ADAMTS19: variants seen among roughly 807,000 people sequenced by gnomAD.
ADAMTS19 encodes A disintegrin and metalloproteinase with thrombospondin motifs 19.
In ADAMTS19, 93 loss-of-function variants were observed where a neutral mutation model predicts 153.3. The observed-to-expected ratio is 0.61, with a 90% CI of 0.51 to 0.72. The LOEUF is 0.72. Among genes scored for constraint, ADAMTS19 ranks in the 30% least tolerant of loss-of-function variants. The pLI, the probability that ADAMTS19 is intolerant of heterozygous loss-of-function variation, is 0.00. For missense variants in ADAMTS19, 1,482 were observed against 1,552.1 expected, an observed-to-expected ratio of 0.95 and a Z score of 0.76; for synonymous variants, 600 against 556.6, an observed-to-expected ratio of 1.08 and a Z score of -1.10.
At position 129,707,796 on chromosome 5, in the gene ADAMTS19, T is replaced by A. The variant is rs568903479; in HGVS notation, c.3312+3405T>A. Among the ~76,000 whole-genome samples the A allele has an allele frequency of 2.0e-5, 3 of 152,306 alleles. No individual in the cohort carries two copies. The South Asian group carries it at 6.2e-4, about 32-fold the overall frequency. Reference sequence around the variant, plus strand: ...TATTTTTAAAGTGTCAATACTAAAGTGGACTTCAGCCTTGGATTTACTTTA... The same window carrying A: ...TATTTTTAAAGTGTCAATACTAAAGAGGACTTCAGCCTTGGATTTACTTTA... On this transcript the variant is annotated intron_variant, in intron 21 of 22. Transcript: ENST00000274487.
chr5:129,530,065 G>A (rs180949385), intron 6 of ADAMTS19, among the ~76,000 whole-genome samples: 2 of 152,198 alleles, frequency 1.3e-5, no homozygotes, highest in Admixed American at 1.3e-4. Flanking sequence ...GCAGGATGAT[G>A]AGCCAGTAAT....
At chr5:129,598,835 A>G (rs1381446269) in intron 8 of ADAMTS19, among the ~76,000 whole-genome samples, 1 of 152,168 alleles carries the variant, frequency 6.6e-6, no homozygotes, top group East Asian at 1.9e-4. Context: ...CCCCAAATCC[A>G]TGCATATCCA....
chr5:129,690,214 A>ACT (rs1755270429), intron 18 of ADAMTS19, among the ~76,000 whole-genome samples: 1 of 152,196 alleles, frequency 6.6e-6, no homozygotes, highest in Admixed American at 6.5e-5. Flanking sequence ...AAATCACCTT[A>ACT]CTCAGTGATA....
chr5:129,589,180 C>A (rs1749971467), intron 7 of ADAMTS19, among the ~76,000 whole-genome samples: 2 of 151,662 alleles, frequency 1.3e-5, no homozygotes, highest in South Asian at 4.1e-4. Context: ...ATCTCACATA[C>A]CTCAAAACTT....
intron 8 of ADAMTS19, among the ~76,000 whole-genome samples, chr5:129,609,625 G>A (rs575135177): frequency 1.6e-4 from 24 of 152,188 alleles, no homozygotes; most frequent in South Asian, 6.2e-4. Context: ...ACGATACCAC[G>A]TAGAATAATA....
rs138491653 is a variant in ADAMTS19 at position 129,658,671 on chromosome 5, G to T, written c.2359G>T (p.Val787Leu). 13 of 1,613,220 alleles carry T rather than the reference G, an allele frequency of 8.1e-6. No homozygotes were observed. In the African/African-American group the frequency reaches 1.6e-4, roughly 20 times the overall value. Reference protein sequence around the residue: ...GSLAREDHCGVCNGNGKSCKI... With the variant: ...GSLAREDHCGLCNGNGKSCKI... ...TCTTGCAAGAGAAGATCATTGTGGTGTATGCAATGGCAATGGAAAATCATG... is the reference window on the plus strand; with the variant it reads ...TCTTGCAAGAGAAGATCATTGTGGTTTATGCAATGGCAATGGAAAATCATG... The change falls in exon 15 of 23, where the codon GTA becomes TTA. Residue 787 changes from valine to leucine, a missense_variant. Val to Leu is a conservative substitution (Grantham distance 32). Transcript: ENST00000274487.
chr5:129,559,997 T>A (rs1753442002), intron 7 of ADAMTS19, among the ~76,000 whole-genome samples: 1 of 152,230 alleles, frequency 6.6e-6, no homozygotes, highest in Non-Finnish European at 1.5e-5. Context: ...AGAATTTCCC[T>A]TAGTAAAAGT....
intron 2 of ADAMTS19, among the ~76,000 whole-genome samples, chr5:129,472,578 G>A (rs536161242): frequency 2.6e-5 from 4 of 152,168 alleles, no homozygotes; most frequent in Admixed American, 6.5e-5. Flanking sequence ...ACAATGGAAC[G>A]TTAATGCCAG....
intron 21 of ADAMTS19, among the ~76,000 whole-genome samples, chr5:129,711,936 A>G (rs936424500): frequency 7.2e-5 from 11 of 151,950 alleles, no homozygotes; most frequent in African/African-American, 2.7e-4. Context: ...CTAATTTGTT[A>G]TTTAACATAA....
Position 129,701,456 on chromosome 5 carries a change from C to G in ADAMTS19, c.3023C>G (p.Ala1008Gly). The change falls in exon 20 of 23, where the codon GCC becomes GGC. Residue 1008 changes from alanine (A) to glycine (G), a missense_variant. Ala to Gly is a moderately conservative substitution (Grantham distance 60, BLOSUM62 0). Coordinates refer to ENST00000274487, the MANE Select transcript of ADAMTS19 (RefSeq NM_133638.6). ...AAAGGAATGCAGAGCAGACAAGTGG[C>G]CTGTACCCAACAACTGAGCAATGGA... ...CGKGMQSRQV[A>G]CTQQLSNGTL... 1 of 1,614,190 alleles carries G rather than the reference C, an allele frequency of 6.2e-7. No homozygotes were observed. Among genetic ancestry groups the G allele is most frequent in the Non-Finnish European group, 8.5e-7 (1 of 1,180,040 alleles).
chr5:129,673,969 G>T (rs1014006146), intron 16 of ADAMTS19, among the ~76,000 whole-genome samples: 4 of 151,996 alleles, frequency 2.6e-5, no homozygotes, highest in Non-Finnish European at 4.4e-5. Context: ...GGTAACTCAC[G>T]CCTGTAATGC....
chr5:129,639,003 T>A (rs761215443), intron 10 of ADAMTS19, among the ~76,000 whole-genome samples: 7 of 152,226 alleles, frequency 4.6e-5, no homozygotes, highest in Non-Finnish European at 1.0e-4. Flanking sequence ...TAATAAACTC[T>A]TTTTACTATA....
intron 11 of ADAMTS19, among the ~76,000 whole-genome samples, chr5:129,644,669 TG>T (rs1752976623): frequency 1.3e-5 from 2 of 152,184 alleles, no homozygotes; most frequent in Non-Finnish European, 2.9e-5. Flanking sequence ...ATCAATGTGT[TG>T]GCATTTACAT....
intron 6 of ADAMTS19, among the ~76,000 whole-genome samples, chr5:129,535,245 T>C (rs1289524711): frequency 6.6e-6 from 1 of 152,086 alleles, no homozygotes; most frequent in African/African-American, 2.4e-5. Flanking sequence ...TGTGCAAAAA[T>C]CACAAGCATT....
At chr5:129,620,966 A>G (rs1751753506) in intron 9 of ADAMTS19, among the ~76,000 whole-genome samples, 1 of 152,124 alleles carries the variant, frequency 6.6e-6, no homozygotes, top group African/African-American at 2.4e-5. Context: ...CATTTTTCAA[A>G]AAGGACAGTT....
chr5:129,722,468 T>A (rs190260216), intron 21 of ADAMTS19, among the ~76,000 whole-genome samples: 7 of 152,162 alleles, frequency 4.6e-5, no homozygotes, highest in Non-Finnish European at 7.3e-5. Flanking sequence ...TAAATTTGTT[T>A]AAATTCCTTG....
intron 3 of ADAMTS19, among the ~76,000 whole-genome samples, chr5:129,515,512 C>A (rs909302283): frequency 5.3e-5 from 8 of 151,880 alleles, no homozygotes; most frequent in Admixed American, 1.3e-4. Flanking sequence ...TCTTTCACTT[C>A]TTTGGTTAAT....
At chr5:129,548,908 C>G (rs948558927) in intron 6 of ADAMTS19, among the ~76,000 whole-genome samples, 2 of 150,864 alleles carry the variant, frequency 1.3e-5, no homozygotes, top group Non-Finnish European at 2.9e-5. Flanking sequence ...CCATCATTCT[C>G]AGCAAACTAT....
chr5:129,628,700 C>T (rs914896176), intron 10 of ADAMTS19, among the ~76,000 whole-genome samples: 1 of 152,020 alleles, frequency 6.6e-6, no homozygotes, highest in African/African-American at 2.4e-5. Context: ...ACCACATATA[C>T]AACAATGGTC....
Sources: allele counts gnomAD v4.1 joint callset (sites outside exome capture counted in the v4.1 genomes callset), GRCh38; gene constraint gnomAD v4.1.1; transcripts MANE v1.5; gene names NCBI Gene and HGNC (gene_info 2026-07-23, HGNC 2026-07-21).